Variants in AUTS2 observed in about 807,000 individuals in gnomAD.
AUTS2 encodes autism susceptibility gene 2 protein.
Under a neutral mutation model 112.4 loss-of-function variants are expected in AUTS2, and 17 were observed. The observed-to-expected ratio is 0.15, with a 90% CI of 0.10 to 0.23. The LOEUF is 0.23. Ranked by LOEUF, AUTS2 falls within the 10% of genes least tolerant of loss-of-function variation. The probability of loss-of-function intolerance (pLI) is 1.00; values close to 1 mark genes in which losing one functional copy is unlikely to be tolerated. For synonymous variants in AUTS2, 751 were observed against 702.7 expected, an observed-to-expected ratio of 1.07 and a Z score of -1.09; for missense variants, 1,510 against 1,701.6, an observed-to-expected ratio of 0.89 and a Z score of 1.98.
chr7:70,256,781 G>A (rs1188828217), intron 4 of AUTS2, among the ~76,000 whole-genome samples: 1 of 152,246 alleles, frequency 6.6e-6, no homozygotes, highest in East Asian at 1.9e-4. Flanking sequence ...GTTTTGCCAT[G>A]CTTTTCTTAT....
chr7:70,107,594 G>T (rs976380451), intron 2 of AUTS2, among the ~76,000 whole-genome samples: 2 of 148,040 alleles, frequency 1.4e-5, no homozygotes, highest in Admixed American at 1.4e-4. Context: ...CGCCCATCTC[G>T]GCCTCCCAAA....
intron 1 of AUTS2, among the ~76,000 whole-genome samples, chr7:69,649,278 A>G (rs1795179978): frequency 6.6e-6 from 1 of 152,214 alleles, no homozygotes; most frequent in South Asian, 2.1e-4. Context: ...CAGTCTAGGT[A>G]CTTGGGGAGC....
intron 2 of AUTS2, among the ~76,000 whole-genome samples, chr7:69,918,496 A>G (rs1193423850): frequency 1.3e-5 from 2 of 152,224 alleles, no homozygotes; most frequent in Non-Finnish European, 2.9e-5. Context: ...AAAGCAAGAA[A>G]AACTAGACAT....
At chr7:70,670,959 G>A (rs1214229188) in intron 5 of AUTS2, among the ~76,000 whole-genome samples, 1 of 152,158 alleles carries the variant, frequency 6.6e-6, no homozygotes, top group East Asian at 1.9e-4. Flanking sequence ...ATCACTTGAG[G>A]TCAGGAGTTC....
chr7:69,806,819 T>G (rs73172903), intron 1 of AUTS2, among the ~76,000 whole-genome samples: 1 of 152,170 alleles, frequency 6.6e-6, no homozygotes, highest in East Asian at 1.9e-4. Flanking sequence ...ATAGTCGTCT[T>G]CTTTCTTGTG....
chr7:70,013,035 C>G (rs892883191), intron 2 of AUTS2, among the ~76,000 whole-genome samples: 1 of 152,094 alleles, frequency 6.6e-6, no homozygotes, highest in Admixed American at 6.5e-5. Context: ...TAGGATCTAG[C>G]ACATTTCAAT....
At chr7:70,278,105 C>T (rs1156691783) in intron 4 of AUTS2, among the ~76,000 whole-genome samples, 1 of 151,964 alleles carries the variant, frequency 6.6e-6, no homozygotes, top group African/African-American at 2.4e-5. Context: ...AGAAGGTATA[C>T]CTGTGCACAT....
intron 1 of AUTS2, among the ~76,000 whole-genome samples, chr7:69,722,882 G>A (rs1799036606): frequency 6.6e-6 from 1 of 151,442 alleles, no homozygotes; most frequent in African/African-American, 2.4e-5. Flanking sequence ...TAACACCAAA[G>A]CATCTGAGCT....
chr7:70,343,359 A>C (rs1452216675), intron 4 of AUTS2, among the ~76,000 whole-genome samples: 1 of 152,200 alleles, frequency 6.6e-6, no homozygotes, highest in Non-Finnish European at 1.5e-5. Context: ...TGCTTAAAGG[A>C]GAATAGTAAG....
intron 2 of AUTS2, among the ~76,000 whole-genome samples, chr7:70,045,025 T>A (rs1801437688): frequency 6.6e-6 from 1 of 152,060 alleles, no homozygotes; most frequent in South Asian, 2.1e-4. Context: ...CTGAAAGTGT[T>A]ACCGGACCTA....
chr7:70,097,785 A>G (rs925677930), intron 2 of AUTS2, among the ~76,000 whole-genome samples: 2 of 152,234 alleles, frequency 1.3e-5, no homozygotes, highest in Non-Finnish European at 2.9e-5. Flanking sequence ...ACTCTAGTCC[A>G]CATACTGGAA....
intron 1 of AUTS2, among the ~76,000 whole-genome samples, chr7:69,793,002 C>A (rs185405279): frequency 6.6e-6 from 1 of 152,326 alleles, no homozygotes; most frequent in East Asian, 1.9e-4. Flanking sequence ...TGTGAACTTG[C>A]TGTTCAGTCC....
At chr7:69,706,363 G>C (rs1798060222) in intron 1 of AUTS2, among the ~76,000 whole-genome samples, 1 of 152,092 alleles carries the variant, frequency 6.6e-6, no homozygotes, top group Non-Finnish European at 1.5e-5. Flanking sequence ...TGTTCTGTTA[G>C]TAAGTGAGGG....
Position 70,768,029 on chromosome 7 carries a change from C to A in AUTS2, c.1695C>A (p.Asp565Glu). 4.3e-6 allele frequency: 7 copies of A among 1,610,754 alleles called. No individual in the cohort carries two copies. Among genetic ancestry groups the A allele is most frequent in the Non-Finnish European group, 5.9e-6 (7 of 1,178,872 alleles). ...IMPTPAPPMF[D>E]KYPTKVDPFY... ...TTGCTTTGATCCCTTTACAGTTTGA[C>A]AAATACCCTACAAAAGTTGACCCAT... is the stretch of plus-strand genomic sequence containing the variant. Residue 565 changes from aspartate (D) to glutamate (E), a missense_variant, in exon 10 of 19, where the codon GAC becomes GAA. Asp to Glu is a conservative substitution (Grantham distance 45, BLOSUM62 2). This residue lies in a region of AUTS2 where 187 missense variants were observed against 309.7 expected (regional missense o/e 0.60). Coordinates refer to ENST00000342771, the MANE Select transcript of AUTS2 (RefSeq NM_015570.4).
chr7:70,035,888 AAGCAGTATATTAGG>A (rs1800980096), intron 2 of AUTS2, among the ~76,000 whole-genome samples: 1 of 152,224 alleles, frequency 6.6e-6, no homozygotes, highest in Non-Finnish European at 1.5e-5. Context: ...ACTATGAGGC[AAGCAGTATATTAGG>A]AGCTAGATAT....
chr7:70,379,501 CAA>C (rs35035233), intron 4 of AUTS2, among the ~76,000 whole-genome samples: 4 of 120,566 alleles, frequency 3.3e-5, no homozygotes, highest in Non-Finnish European at 1.8e-5. Context: ...GCATCCGTCT[CAA>C]AAAAAAAAAA....
At chr7:70,527,836 A>G (rs1376034650) in intron 5 of AUTS2, among the ~76,000 whole-genome samples, 1 of 152,184 alleles carries the variant, frequency 6.6e-6, no homozygotes, top group Non-Finnish European at 1.5e-5. Flanking sequence ...TTTTCTTCTT[A>G]CTGAGACAAG....
rs565905836 is a variant in AUTS2 at position 69,857,749 on chromosome 7, G to A, written c.310-41537G>A. ...GGAGAATGGTGTGAACCTGGGAGGC[G>A]GAGGTTGCAGTGAGCTGGGTTTGTG... On this transcript the variant is annotated intron_variant, in intron 1 of 18. Coordinates refer to ENST00000342771, the MANE Select transcript of AUTS2 (RefSeq NM_015570.4). 4.6e-5 allele frequency among the ~76,000 whole-genome samples: 7 copies of A among 152,080 alleles called. No homozygotes were observed. In the East Asian group the frequency reaches 5.8e-4, roughly 13 times the overall value.
chr7:70,532,667 A>C (rs1225618662), intron 5 of AUTS2, among the ~76,000 whole-genome samples: 2 of 152,230 alleles, frequency 1.3e-5, no homozygotes, highest in African/African-American at 4.8e-5. Flanking sequence ...ATACTGTCTC[A>C]GACCAACCCC....
Sources: gnomAD v4.1 joint callset for allele counts (sites outside exome capture counted in the v4.1 genomes callset) on GRCh38, gnomAD v4.1.1 for gene constraint, gnomAD v4.1.1 regional missense constraint, MANE v1.5 for transcripts, NCBI Gene and HGNC (gene_info 2026-07-23, HGNC 2026-07-21) for gene names.